PBX1: variants seen among roughly 807,000 people sequenced by gnomAD.
PBX1 encodes the protein PBX homeobox 1.
Under a neutral mutation model 53.4 loss-of-function variants are expected in PBX1, and 6 were observed. The observed-to-expected ratio is 0.11, with a 90% CI of 0.06 to 0.22. The LOEUF (loss-of-function observed/expected upper bound fraction) is 0.22, where lower values mean the gene tolerates loss of function less well. Ranked by LOEUF, PBX1 falls within the 10% of genes least tolerant of loss-of-function variation. The pLI is 1.00. For synonymous variants in PBX1, 204 were observed against 212.3 expected (o/e 0.96, Z 0.34); for missense variants, 251 against 551.4 (o/e 0.46, Z 5.46).
chr1:164,580,340 A>G (rs1285227577), intron 2 of PBX1, among the ~76,000 whole-genome samples: 1 of 152,122 alleles, frequency 6.6e-6, no homozygotes, highest in Non-Finnish European at 1.5e-5. Context: ...GTGCAGTGGC[A>G]TGATCTTGGC....
intron 2 of PBX1, among the ~76,000 whole-genome samples, chr1:164,720,480 A>G (rs760267881): frequency 6.6e-6 from 1 of 152,196 alleles, no homozygotes; most frequent in Non-Finnish European, 1.5e-5. Flanking sequence ...GTGCAATGAA[A>G]GTCAGCATTT....
chr1:164,744,520 C>T (rs1258301791), intron 2 of PBX1, among the ~76,000 whole-genome samples: 1 of 152,166 alleles, frequency 6.6e-6, no homozygotes, highest in East Asian at 1.9e-4. Context: ...TCAAATGCCT[C>T]ATTAGATCCT....
In PBX1 at chr1:164,678,249, G is replaced by A. The variant is rs142925068; in HGVS notation, c.266-114245G>A. The stretch of plus-strand genomic sequence containing the variant: ...AAAGACGCAAAGCTGAAGGCCATAT[G>A]ATGGACTCAGCTCCTGAGCTCTGCA... On this transcript the variant is annotated intron_variant, in intron 2 of 8. Coordinates refer to ENST00000420696, the MANE Select transcript of PBX1 (RefSeq NM_002585.4). Among the ~76,000 whole-genome samples, 481 of 152,336 alleles carry A rather than the reference G, an allele frequency of 3.2e-3. 3 individuals are homozygous for A. The highest frequency in any genetic ancestry group is 0.011 in the African/African-American group (461 of 41,574).
chr1:164,646,734 T>G (rs1359632150), intron 2 of PBX1, among the ~76,000 whole-genome samples: 1 of 152,156 alleles, frequency 6.6e-6, no homozygotes, highest in Admixed American at 6.5e-5. Flanking sequence ...CAGGATTGAG[T>G]AGATTGAGCA....
chr1:164,678,990 G>A (rs1369595102), intron 2 of PBX1, among the ~76,000 whole-genome samples: 1 of 152,140 alleles, frequency 6.6e-6, no homozygotes, highest in Admixed American at 6.5e-5. Context: ...CCTCACATAG[G>A]CAGAGGGAGA....
At position 164,828,271 on chromosome 1, in the gene PBX1, C is replaced by CGT. The variant is rs576407322; in HGVS notation, c.1200+6662_1200+6663dup. 4.6e-3 allele frequency among the ~76,000 whole-genome samples: 692 copies of CGT among 149,768 alleles called. 17 individuals carry two copies. In the South Asian group the frequency reaches 0.072, roughly 16 times the overall value. On this transcript the variant is annotated intron_variant, in intron 8 of 8. Coordinates refer to ENST00000420696, the MANE Select transcript of PBX1 (RefSeq NM_002585.4). Reference sequence around the variant, plus strand: ...TTTAGGCTGTGTGTGTTTGTGTATGCGTGTGTGTGTGTGTGTGTACATGTA... The same window carrying CGT: ...TTTAGGCTGTGTGTGTTTGTGTATGCGTGTGTGTGTGTGTGTGTGTACATGTA...
At chr1:164,722,863 T>C (rs1664485373) in intron 2 of PBX1, among the ~76,000 whole-genome samples, 1 of 152,244 alleles carries the variant, frequency 6.6e-6, no homozygotes, top group South Asian at 2.1e-4. Context: ...AAGAGGATTC[T>C]TCCAAACCTT....
At chr1:164,643,605 A>G (rs1659278917) in intron 2 of PBX1, among the ~76,000 whole-genome samples, 1 of 152,208 alleles carries the variant, frequency 6.6e-6, no homozygotes, top group South Asian at 2.1e-4. Context: ...ATGGTACATG[A>G]GCTAATACCT....
chr1:164,654,832 A>G (rs905689402), intron 2 of PBX1, among the ~76,000 whole-genome samples: 1 of 152,234 alleles, frequency 6.6e-6, no homozygotes, highest in African/African-American at 2.4e-5. Flanking sequence ...ATTCAGCAGC[A>G]TTTATCGAAC....
At chr1:164,724,670 A>ATTTTTTTTTTTTTTTT (rs59042806) in intron 2 of PBX1, among the ~76,000 whole-genome samples, 4 of 48,234 alleles carry the variant, frequency 8.3e-5, no homozygotes, top group Non-Finnish European at 1.3e-4. Context: ...ATAGCTGCAG[A>ATTTTTTTTTTTTTTTT]TTTTTTTTTT....
In PBX1 at chr1:164,560,008, G is replaced by A. The variant is rs1281207783; in HGVS notation, c.186G>A (p.Gln62=). The change falls in exon 1 of 9, where the codon CAG becomes CAA. Residue 62 remains glutamine, a synonymous_variant. Coordinates refer to ENST00000420696, the MANE Select transcript of PBX1 (RefSeq NM_002585.4). ...CAGACCAGAGTTTGGATGAGGCGCA[G>A]GCCAGGTGAGATGGAGGCTTTTCTT... ...TITDQSLDEA[Q]ARKHALNCHR... 5.0e-6 allele frequency: 7 copies of A among 1,404,802 alleles called. No homozygotes were observed. The highest frequency in any genetic ancestry group is 5.6e-6 in the Non-Finnish European group (6 of 1,072,084). The allele number at this position is 1,404,802 out of a possible 1,614,324, so 87.0% of individuals were successfully genotyped here. A position where few individuals can be genotyped will look rare whatever the true frequency, so the allele number is the denominator to read the frequency against.
At position 164,699,096 on chromosome 1, in the gene PBX1, C is replaced by T. The variant is rs186987889; in HGVS notation, c.266-93398C>T. ...ACTGAGTCTATACAGAATAGGCATG[C>T]GTGCTCTCACATAGCAGCGGGCCTG... On this transcript the variant is annotated intron_variant, in intron 2 of 8. Coordinates refer to ENST00000420696, the MANE Select transcript of PBX1 (RefSeq NM_002585.4). Among the ~76,000 whole-genome samples the T allele has an allele frequency of 2.3e-3, 349 of 152,268 alleles. 4 individuals are homozygous for T. The highest frequency in any genetic ancestry group is 7.0e-3 in the African/African-American group (289 of 41,570).
intron 2 of PBX1, among the ~76,000 whole-genome samples, chr1:164,744,192 G>A (rs1450985002): frequency 6.6e-6 from 1 of 152,196 alleles, no homozygotes; most frequent in African/African-American, 2.4e-5. Context: ...GTGATGGGAA[G>A]TGAAAGTCAG....
intron 2 of PBX1, among the ~76,000 whole-genome samples, chr1:164,719,830 G>A (rs908450204): frequency 2.0e-5 from 3 of 152,136 alleles, no homozygotes; most frequent in African/African-American, 7.2e-5. Context: ...GAGGCACACG[G>A]TCTGCTGCTG....
chr1:164,858,648 C>T (rs1246239978), intron 2 of PBX1, among the ~76,000 whole-genome samples: 1 of 152,062 alleles, frequency 6.6e-6, no homozygotes, highest in Admixed American at 6.5e-5. Flanking sequence ...GTGTGGCCCA[C>T]CTATGCCTAG....
chr1:164,593,502 G>C (rs1487535957), intron 2 of PBX1, among the ~76,000 whole-genome samples: 1 of 152,128 alleles, frequency 6.6e-6, no homozygotes, highest in Admixed American at 6.5e-5. Flanking sequence ...AGTCCTGGTT[G>C]TAAACCCCAG....
At chr1:164,722,900 A>G (rs1664487235) in intron 2 of PBX1, among the ~76,000 whole-genome samples, 1 of 152,176 alleles carries the variant, frequency 6.6e-6, no homozygotes, top group South Asian at 2.1e-4. Flanking sequence ...TGAGTTATAC[A>G]TGTATGATTT....
intron 2 of PBX1, among the ~76,000 whole-genome samples, chr1:164,755,482 T>G (rs184425252): frequency 6.6e-6 from 1 of 152,334 alleles, no homozygotes; most frequent in Admixed American, 6.5e-5. Context: ...AATGTACTTA[T>G]GTATACATAA....
chr1:164,755,129 C>T (rs1163971056), intron 2 of PBX1, among the ~76,000 whole-genome samples: 1 of 152,148 alleles, frequency 6.6e-6, no homozygotes, highest in Non-Finnish European at 1.5e-5. Context: ...GATTCCAATT[C>T]ATTGATCTAG....
Sources: allele counts gnomAD v4.1 joint callset (sites outside exome capture counted in the v4.1 genomes callset), GRCh38; gene constraint gnomAD v4.1.1; transcripts MANE v1.5; gene names NCBI Gene and HGNC (gene_info 2026-07-23, HGNC 2026-07-21).